TM9SF4: variants seen among roughly 807,000 people sequenced by gnomAD.
TM9SF4 encodes the protein dinucleotide oxidase disulfide thiol exchanger 3 superfamily member 4.
Under a neutral mutation model 90.4 loss-of-function variants are expected in TM9SF4, and 26 were observed. That is an observed-to-expected ratio of 0.29 (90% CI 0.21 to 0.40). The LOEUF is 0.40. TM9SF4 is among the 10% of genes least tolerant of loss of function. TM9SF4 has a pLI of 1.00. For synonymous variants in TM9SF4, 293 were observed against 315.4 expected (o/e 0.93, Z 0.75); for missense variants, 549 against 834.8 (o/e 0.66, Z 4.22).
chr20:32,122,524 G>C (rs1169166550), intron 1 of TM9SF4, among the ~76,000 whole-genome samples: 1 of 151,182 alleles, frequency 6.6e-6, no homozygotes. Context: ...TCACCTCCCA[G>C]ACGGGGTGGC....
At chr20:32,144,216 T>C (rs1289587857) in intron 6 of TM9SF4, among the ~76,000 whole-genome samples, 1 of 152,192 alleles carries the variant, frequency 6.6e-6, no homozygotes, top group Non-Finnish European at 1.5e-5. Context: ...AGTGCTTGGA[T>C]TACAGGCGTG....
intron 6 of TM9SF4, among the ~76,000 whole-genome samples, chr20:32,144,573 C>A (rs768984093): frequency 7.2e-5 from 11 of 152,200 alleles, no homozygotes; most frequent in Non-Finnish European, 1.5e-4. Flanking sequence ...TCTGCAGCCC[C>A]TAAGGACCTT....
chr20:32,137,868 A>AT (rs1330833300), intron 3 of TM9SF4, among the ~76,000 whole-genome samples: 1 of 152,114 alleles, frequency 6.6e-6, no homozygotes, highest in African/African-American at 2.4e-5. Context: ...TACTCTCCTT[A>AT]TTATAAATAA....
At chr20:32,148,577 A>G (rs954709879) in intron 9 of TM9SF4, among the ~76,000 whole-genome samples, 3 of 151,486 alleles carry the variant, frequency 2.0e-5, no homozygotes, top group South Asian at 2.1e-4. Context: ...GAACTAAAAC[A>G]GGCAACTTGT....
At chr20:32,156,624 T>C (rs1357827988) in intron 13 of TM9SF4, among the ~76,000 whole-genome samples, 2 of 152,390 alleles carry the variant, frequency 1.3e-5, no homozygotes, top group Non-Finnish European at 2.9e-5. Context: ...TTGTTTGTTT[T>C]GAGACAGGGT....
At chr20:32,141,959 G>T in intron 5 of TM9SF4, 64 bp downstream of exon 5, 1 of 1,600,922 alleles carries the variant, frequency 6.2e-7, no homozygotes, top group Non-Finnish European at 8.5e-7. Context: ...GAGCACTTGG[G>T]GCCACAGAAA....
At chr20:32,148,950 G>A (rs900608149) in intron 9 of TM9SF4, among the ~76,000 whole-genome samples, 1 of 152,138 alleles carries the variant, frequency 6.6e-6, no homozygotes, top group Non-Finnish European at 1.5e-5. Flanking sequence ...GATTACAGGC[G>A]TGAGCCACCG....
chr20:32,143,141 G>C, intron 6 of TM9SF4, 36 bp downstream of exon 6: 1 of 1,606,882 alleles, frequency 6.2e-7, no homozygotes, highest in South Asian at 1.1e-5. Flanking sequence ...GGCAGGGCTG[G>C]ATGGGCCTGG....
chr20:32,143,937 T>TA (rs1157609518), intron 6 of TM9SF4, among the ~76,000 whole-genome samples: 1 of 150,414 alleles, frequency 6.6e-6, no homozygotes. Context: ...CTCCTTTTCT[T>TA]ACCATTTTAT....
chr20:32,139,106 C>G (rs1461788773), intron 3 of TM9SF4, among the ~76,000 whole-genome samples: 1 of 152,224 alleles, frequency 6.6e-6, no homozygotes, highest in African/African-American at 2.4e-5. Flanking sequence ...CTCTCCCTCT[C>G]CTGAGTGCCT....
intron 6 of TM9SF4, among the ~76,000 whole-genome samples, chr20:32,144,441 T>G (rs2046730204): frequency 6.6e-6 from 1 of 152,174 alleles, no homozygotes; most frequent in Non-Finnish European, 1.5e-5. Flanking sequence ...ATGGAATGGA[T>G]CAAGGTTTTA....
intron 3 of TM9SF4, chr20:32,136,944 C>T (rs930420513): frequency 4.9e-5 from 23 of 471,150 alleles, no homozygotes; most frequent in African/African-American, 1.2e-4. Context: ...GTCAGGGCTA[C>T]GCATGGCTCA....
intron 1 of TM9SF4, among the ~76,000 whole-genome samples, chr20:32,115,806 GCTTTTTTT>G (rs1269720717): frequency 1.9e-5 from 2 of 106,306 alleles, no homozygotes; most frequent in South Asian, 3.0e-4. Context: ...ACCACTTTAA[GCTTTTTTT>G]TTTTTTTTTT....
intron 1 of TM9SF4, among the ~76,000 whole-genome samples, chr20:32,123,866 A>ATATATATATATATATTTTTTTTTTTTT: frequency 3.2e-5 from 3 of 93,980 alleles, no homozygotes; most frequent in East Asian, 7.3e-4. Flanking sequence ...ATATATATAT[A>ATATATATATATATATTTTTTTTTTTTT]TTTTTTTTTT....
intron 3 of TM9SF4, among the ~76,000 whole-genome samples, chr20:32,138,176 A>G (rs1348715744): frequency 6.6e-6 from 1 of 152,222 alleles, no homozygotes; most frequent in African/African-American, 2.4e-5. Flanking sequence ...AGAAAGGCCC[A>G]TAGGGCTGTC....
intron 6 of TM9SF4, among the ~76,000 whole-genome samples, chr20:32,143,873 G>A (rs1187522224): frequency 1.3e-5 from 2 of 152,018 alleles, no homozygotes; most frequent in Admixed American, 6.6e-5. Flanking sequence ...CATGTGTGAC[G>A]CTTTTGAGGC....
intron 1 of TM9SF4, among the ~76,000 whole-genome samples, chr20:32,111,909 C>T (rs983768869): frequency 6.6e-6 from 1 of 152,156 alleles, no homozygotes; most frequent in African/African-American, 2.4e-5. Context: ...GAAGCAAGAG[C>T]AACTGTTTTG....
intron 9 of TM9SF4, among the ~76,000 whole-genome samples, chr20:32,148,917 G>A (rs890377357): frequency 6.6e-6 from 1 of 152,000 alleles, no homozygotes; most frequent in Non-Finnish European, 1.5e-5. Context: ...TGATCCGCCC[G>A]CCTCGGCCTC....
At chr20:32,140,752 T>TA (rs1354206323) in intron 3 of TM9SF4, among the ~76,000 whole-genome samples, 1 of 152,084 alleles carries the variant, frequency 6.6e-6, no homozygotes, top group East Asian at 1.9e-4. Context: ...CTCCACTGCA[T>TA]AATGCTGCCC....
Sources: gnomAD v4.1 joint callset for allele counts (sites outside exome capture counted in the v4.1 genomes callset) on GRCh38, gnomAD v4.1.1 for gene constraint, MANE v1.5 for transcripts, NCBI Gene and HGNC (gene_info 2026-07-23, HGNC 2026-07-21) for gene names.